Variants in NBEAL2 observed in about 807,000 individuals in gnomAD.
NBEAL2 encodes neurobeachin-like protein 2.
In NBEAL2, 160 loss-of-function variants were observed where a neutral mutation model predicts 299.8. The ratio of observed to expected loss-of-function variants is 0.53; its 90% CI spans 0.47 to 0.61. NBEAL2 has a LOEUF of 0.61. Ranked by LOEUF, NBEAL2 falls within the 20% of genes least tolerant of loss-of-function variation. The probability of loss-of-function intolerance (pLI) is 0.00; values close to 1 mark genes in which losing one functional copy is unlikely to be tolerated. For synonymous variants in NBEAL2, 1,493 were observed against 1,542.3 expected (o/e 0.97, Z 0.75); for missense variants, 3,112 against 3,649.0 (o/e 0.85, Z 3.79).
chr3:46,998,874 G>A lies in NBEAL2; in HGVS notation c.3379G>A (p.Gly1127Ser), dbSNP rs749146092. 21 of 1,592,242 alleles carry A rather than the reference G, an allele frequency of 1.3e-5. No homozygotes were observed. The highest frequency in any genetic ancestry group is 4.0e-5 in the African/African-American group (3 of 74,576). The change falls in exon 23 of 54, where the codon GGT becomes AGT. Residue 1127 changes from glycine to serine, a missense_variant. This residue lies in a region of NBEAL2 where 2,243 missense variants were observed against 2,538.1 expected (regional missense o/e 0.88). Coordinates refer to ENST00000450053, the MANE Select transcript of NBEAL2 (RefSeq NM_015175.3). The part of the protein sequence containing the change: ...LSFLAATGDD[G>S]QAVGALDLLL... ...CTTTTTGGCGGCCACAGGCGATGAC[G>A]GTCAGGTAGGCTGGAGGTTGGGGAG... is the stretch of plus-strand genomic sequence containing the variant.
At position 46,988,695 on chromosome 3, in the gene NBEAL2, G is replaced by A. The variant is rs1052091093; in HGVS notation, c.78G>A (p.Trp26Ter). 4 of 1,613,918 alleles carry A rather than the reference G, an allele frequency of 2.5e-6. No homozygotes were observed. The highest frequency in any genetic ancestry group is 3.4e-6 in the Non-Finnish European group (4 of 1,179,826). ...AGGACCTGGGTTACCTGCAGCAGTG[G>A]CTGAAGGCCTTTGTAGGTGCCTTCA... ...AQKDLGYLQQ[W>*]LKAFVGAFKK... The change falls in exon 2 of 54, where the codon TGG (tryptophan) becomes TGA (stop). Residue 26 changes from tryptophan (W) to a stop codon, truncating the protein, a stop_gained. Transcript: ENST00000450053. LOFTEE classifies it high-confidence loss of function. This position sits in a 1 kb window ranked among gnomAD's most constrained non-coding sequence, Gnocchi z 4.4.
rs373899951 is a variant in NBEAL2, at chr3:47,001,871, G to C, written c.4782+45G>C. On this transcript the variant is annotated intron_variant, in intron 30 of 53. Transcript: ENST00000450053. This position sits in a 1 kb window ranked among gnomAD's most constrained non-coding sequence, Gnocchi z 6.1. Reference sequence around the variant, plus strand: ...GGGGGCAGGGGGCGTGTGAGATGTCGGGAGCTCCAAGAGTGGCTGGGTGCC... The same window carrying C: ...GGGGGCAGGGGGCGTGTGAGATGTCCGGAGCTCCAAGAGTGGCTGGGTGCC... The C allele has an allele frequency of 5.6e-6, 9 of 1,609,368 alleles. No homozygotes were observed. The highest frequency in any genetic ancestry group is 4.5e-5 in the East Asian group (2 of 44,736).
At position 46,995,644 on chromosome 3, in the gene NBEAL2, G is replaced by T; in HGVS notation, c.1898+11G>T. ...AAAGCAGCTGTACAGGTGGGTGACT[G>T]CCAGGGGCCAGGGACCTCCTGCCAG... On this transcript the variant is annotated intron_variant, in intron 13 of 53. Coordinates refer to ENST00000450053, the MANE Select transcript of NBEAL2 (RefSeq NM_015175.3). 6.2e-7 allele frequency: 1 copy of T among 1,608,836 alleles called. No homozygotes were observed. The highest frequency in any genetic ancestry group is 8.5e-7 in the Non-Finnish European group (1 of 1,176,594).
At position 46,988,914 on chromosome 3, in the gene NBEAL2, C is replaced by T. The variant is rs1575588161; in HGVS notation, c.213C>T (p.His71=). 2 of 1,613,070 alleles carry T rather than the reference C, an allele frequency of 1.2e-6. No individual in the cohort carries two copies. Among genetic ancestry groups the T allele is most frequent in the Non-Finnish European group, 1.7e-6 (2 of 1,179,370 alleles). The part of the protein sequence containing the change: ...DELHVLAEQL[H]QADLEQALLL... The stretch of plus-strand genomic sequence containing the variant: ...TGCATGTGCTGGCCGAACAGCTGCA[C>T]CAGGCTGACCTGGAGCAAGCCCTCC... The change falls in exon 3 of 54, where the codon CAC becomes CAT. Residue 71 remains histidine (H), a synonymous_variant. Transcript: ENST00000450053. This position sits in a 1 kb window ranked among gnomAD's most constrained non-coding sequence, Gnocchi z 4.4.
chr3:46,996,501 C>T lies in NBEAL2; in HGVS notation c.2382C>T (p.Gly794=), dbSNP rs1368870416. The T allele has an allele frequency of 6.3e-7, 1 of 1,581,592 alleles. No individual in the cohort carries two copies. The highest frequency in any genetic ancestry group is 1.7e-5 in the Admixed American group (1 of 57,254). ...TLAGTQDTRW[G]SPTSLEGELG... is the part of the protein sequence containing the mutation. ...CAGGCACCCAGGACACTCGGTGGGG[C>T]AGCCCCACATCCCTGGAGGGTGAGC... The change falls in exon 16 of 54, where the codon GGC becomes GGT. Residue 794 remains glycine, a synonymous_variant. Transcript: ENST00000450053.
chr3:47,009,138 G>T lies in NBEAL2; in HGVS notation c.8163+14G>T. On this transcript the variant is annotated intron_variant, in intron 53 of 53. Transcript: ENST00000450053. ...CAGCCCTCTGAGGTGAGGATGGGGCGGGGGTGGGGAGGCCCCTCGAACGGG... is the reference window on the plus strand; with the variant it reads ...CAGCCCTCTGAGGTGAGGATGGGGCTGGGGTGGGGAGGCCCCTCGAACGGG... 1 of 1,557,262 alleles carries T rather than the reference G, an allele frequency of 6.4e-7. No individual in the cohort carries two copies. The highest frequency in any genetic ancestry group is 8.7e-7 in the Non-Finnish European group (1 of 1,154,014).
Position 47,000,007 on chromosome 3 carries a change from C to T in NBEAL2, c.3908C>T (p.Pro1303Leu), listed in dbSNP as rs762268638. The T allele has an allele frequency of 5.0e-6, 8 of 1,612,488 alleles. No homozygotes were observed. Among genetic ancestry groups the T allele is most frequent in the Non-Finnish European group, 6.8e-6 (8 of 1,179,860 alleles). The change falls in exon 27 of 54, where the codon CCT (proline) becomes CTT (leucine). Residue 1303 changes from proline to leucine, a missense_variant. Pro to Leu is a moderately conservative substitution (Grantham distance 98, BLOSUM62 -3). This residue lies in a region of NBEAL2 where 2,243 missense variants were observed against 2,538.1 expected (regional missense o/e 0.88). Transcript: ENST00000450053. This position sits in a 1 kb window ranked among gnomAD's most constrained non-coding sequence, Gnocchi z 4.5. ...VLEAATAGSP[P>L]PSSPESPTSP... ...GAGGCTGCCACAGCCGGCAGCCCCC[C>T]TCCGTCTTCCCCAGAGTCACCTACC...
At chr3:46,994,395 T>C in intron 11 of NBEAL2, 60 bp from the exon 12 acceptor site, 1 of 1,450,090 alleles carries the variant, frequency 6.9e-7, no homozygotes, top group Non-Finnish European at 9.5e-7. Flanking sequence ...TTCCAGGGGG[T>C]CTGAGTTTGC....
Position 47,000,923 on chromosome 3 carries a change from G to A in NBEAL2, c.4306-78G>A. 1 of 1,541,310 alleles carries A rather than the reference G, an allele frequency of 6.5e-7. No individual in the cohort carries two copies. Among genetic ancestry groups the A allele is most frequent in the Non-Finnish European group, 8.8e-7 (1 of 1,140,352 alleles). On this transcript the variant is annotated intron_variant, in intron 27 of 53. Coordinates refer to ENST00000450053, the MANE Select transcript of NBEAL2 (RefSeq NM_015175.3). This position sits in a 1 kb window ranked among gnomAD's most constrained non-coding sequence, Gnocchi z 4.5. ...GCTACCCCAGGAGGGGTGCTGAGTG[G>A]GGATGGGTGGGCGTCAGCCTGATTC...
At position 47,002,001 on chromosome 3, in the gene NBEAL2, C is replaced by T; in HGVS notation, c.4864C>T (p.Leu1622Phe). ...CCGCCGCGAGGAGGCCTGCTATGTG[C>T]TCTCCAAGCTGGAGGCTGCACTGGG... The part of the protein sequence containing the change: ...PARREEACYV[L>F]SKLEAALGRV... The change falls in exon 31 of 54, where the codon CTC becomes TTC. Residue 1622 changes from leucine (L) to phenylalanine (F), a missense_variant. By Grantham distance (22) the Leu-to-Phe change is conservative. Around this residue, in one of 3 missense-constraint regions of NBEAL2, gnomAD observed 2,243 missense variants for 2,538.1 expected, o/e 0.88. Coordinates refer to ENST00000450053, the MANE Select transcript of NBEAL2 (RefSeq NM_015175.3). 1.9e-6 allele frequency: 3 copies of T among 1,599,118 alleles called. No homozygotes were observed. The highest frequency in any genetic ancestry group is 2.2e-5 in the South Asian group (2 of 89,568).
intron 1 of NBEAL2, among the ~76,000 whole-genome samples, chr3:46,986,037 G>A (rs1255520140): frequency 6.6e-6 from 1 of 152,210 alleles, no homozygotes; most frequent in Non-Finnish European, 1.5e-5. Flanking sequence ...CTAGGTCAGA[G>A]TTGGCCTGAG....
At position 47,008,099 on chromosome 3, in the gene NBEAL2, G is replaced by A. The variant is rs1480485579; in HGVS notation, c.7632G>A (p.Lys2544=). 5 of 1,613,904 alleles carry A rather than the reference G, an allele frequency of 3.1e-6. No homozygotes were observed. The African/African-American group carries it at 6.7e-5, about 22-fold the overall frequency. The change falls in exon 50 of 54, where the codon AAG becomes AAA. Residue 2544 remains lysine (K), a synonymous_variant. Coordinates refer to ENST00000450053, the MANE Select transcript of NBEAL2 (RefSeq NM_015175.3). ...GTCTGTCAGTAGGCCTGGCACCAAA[G>A]CCTGTGCAGGTCCTGTATGGGCATG... ...QGGLSVGLAP[K]PVQVLYGHGA... is the part of the protein sequence containing the mutation.
rs1261404024 is a variant in NBEAL2 at position 46,994,618 on chromosome 3, A to C, written c.1296+65A>C. ...CAGAACTGAGTCAGGGTTACCACAG[A>C]TGGTGAGCTCTCCACCCTGGGGGAC... On this transcript the variant is annotated intron_variant, in intron 12 of 53. Coordinates refer to ENST00000450053, the MANE Select transcript of NBEAL2 (RefSeq NM_015175.3). 7 of 1,367,448 alleles carry C rather than the reference A, an allele frequency of 5.1e-6. No individual in the cohort carries two copies. In the African/African-American group the frequency reaches 5.8e-5, roughly 11 times the overall value. 84.7% of individuals were successfully genotyped at this position (1,367,448 alleles called of 1,614,324 possible).
Position 47,004,572 on chromosome 3 carries a change from C to A in NBEAL2, c.6276C>A (p.Asp2092Glu). 1.2e-6 allele frequency: 2 copies of A among 1,613,666 alleles called. No individual in the cohort carries two copies. Among genetic ancestry groups the A allele is most frequent in the Non-Finnish European group, 1.7e-6 (2 of 1,179,764 alleles). The change falls in exon 38 of 54, where the codon GAC (aspartate) becomes GAA (glutamate). Residue 2092 changes from aspartate to glutamate, a missense_variant. Physicochemically the swap from Asp to Glu is conservative, Grantham distance 45. Coordinates refer to ENST00000450053, the MANE Select transcript of NBEAL2 (RefSeq NM_015175.3). This position sits in a 1 kb window ranked among gnomAD's most constrained non-coding sequence, Gnocchi z 5.0. ...CCATTGCGGGGCGGACCTACAATGA[C>A]CTGTCTCAGTACCCTGTGGTGAGGG... ...LNTIAGRTYN[D>E]LSQYPVFPWV...
rs2037093255 is a variant in NBEAL2, at chr3:47,002,501, A to G, written c.5282A>G (p.Gln1761Arg). 1 of 1,612,790 alleles carries G rather than the reference A, an allele frequency of 6.2e-7. No homozygotes were observed. The highest frequency in any genetic ancestry group is 8.5e-7 in the Non-Finnish European group (1 of 1,179,784). The change falls in exon 32 of 54, where the codon CAG becomes CGG. Residue 1761 changes from glutamine to arginine, a missense_variant. Gln to Arg is a conservative substitution (Grantham distance 43, BLOSUM62 1). This residue lies in a region of NBEAL2 where 2,243 missense variants were observed against 2,538.1 expected (regional missense o/e 0.88). Transcript: ENST00000450053. The stretch of plus-strand genomic sequence containing the variant: ...CAGCGGCGCCAGTGGGAGCGCGCCC[A>G]GAGTCGTCGGGCCTTCCAGGTGTGC... Reference protein sequence around the residue: ...SGQRRQWERAQSRRAFQELVL... With the variant: ...SGQRRQWERARSRRAFQELVL...
chr3:47,004,366 G>C lies in NBEAL2; in HGVS notation c.6171G>C (p.Glu2057Asp). Reference sequence around the variant, plus strand: ...ACCTAAGCAGCCGCTCCCCCCAGGAGATGCTGCGTGCCTCAGGCCTTACCC... The same window carrying C: ...ACCTAAGCAGCCGCTCCCCCCAGGACATGCTGCGTGCCTCAGGCCTTACCC... ...QGYLSSRSPQ[E>D]MLRASGLTQK... Residue 2057 changes from glutamate (E) to aspartate (D), a missense_variant, in exon 37 of 54, where the codon GAG becomes GAC. Coordinates refer to ENST00000450053, the MANE Select transcript of NBEAL2 (RefSeq NM_015175.3). The surrounding 1 kb of genome is among the most constrained non-coding windows in gnomAD (Gnocchi z 5.0). The C allele has an allele frequency of 6.3e-7, 1 of 1,598,588 alleles. No individual in the cohort carries two copies. Among genetic ancestry groups the C allele is most frequent in the South Asian group, 1.1e-5 (1 of 88,672 alleles).
Position 47,009,536 on chromosome 3 carries a change from A to G in NBEAL2, c.*216A>G, listed in dbSNP as rs2305640. ...CGGCTGAGGGGCCGCCCTGAGGGCC[A>G]GCACTGGCGTCTGCGGCCGCAGCAG... On this transcript the variant is annotated 3_prime_UTR_variant, in exon 54 of 54. Transcript: ENST00000450053. The G allele has an allele frequency of 0.043, 24,738 of 574,602 alleles. 1,167 individuals are homozygous for G. The highest frequency in any genetic ancestry group is 0.15 in the Admixed American group (4,775 of 31,498). 35.6% of individuals were successfully genotyped at this position (574,602 alleles called of 1,614,324 possible). A position where few individuals can be genotyped will look rare whatever the true frequency, so the allele number is the denominator to read the frequency against.
At position 47,008,531 on chromosome 3, in the gene NBEAL2, C is replaced by T; in HGVS notation, c.7890C>T (p.Ser2630=). The change falls in exon 52 of 54, where the codon TCC becomes TCT. Residue 2630 remains serine, a synonymous_variant. Coordinates refer to ENST00000450053, the MANE Select transcript of NBEAL2 (RefSeq NM_015175.3). ...WERPGAQVTY[S]LHLYSVNGKL... Reference sequence around the variant, plus strand: ...CCTGCTTCCTCCAGGTCACCTACTCCTTGCACCTGTATTCAGTCAATGGGA... The same window carrying T: ...CCTGCTTCCTCCAGGTCACCTACTCTTTGCACCTGTATTCAGTCAATGGGA... 6.2e-7 allele frequency: 1 copy of T among 1,613,464 alleles called. No homozygotes were observed. The highest frequency in any genetic ancestry group is 8.5e-7 in the Non-Finnish European group (1 of 1,179,614).
rs550564188 is a variant in NBEAL2 at position 47,008,391 on chromosome 3, G to A, written c.7828G>A (p.Glu2610Lys). The change falls in exon 51 of 54, where the codon GAA becomes AAA. Residue 2610 changes from glutamate (E) to lysine (K), a missense_variant. Transcript: ENST00000450053. ...TATTTTCCACCTGGCATTGGGGTCC[G>A]AAGGCCAGATTGTGGTACAGAGCTC... is the stretch of plus-strand genomic sequence containing the variant. ...GPIFHLALGS[E>K]GQIVVQSSAW... 18 of 1,613,932 alleles carry A rather than the reference G, an allele frequency of 1.1e-5. No homozygotes were observed. Among genetic ancestry groups the A allele is most frequent in the African/African-American group, 1.3e-5 (1 of 75,052 alleles).
Sources: gnomAD v4.1 joint callset for allele counts (sites outside exome capture counted in the v4.1 genomes callset) on GRCh38, gnomAD v4.1.1 for gene constraint, gnomAD v4.1.1 regional missense constraint, Gnocchi (gnomAD v3.1) non-coding constraint, MANE v1.5 for transcripts, NCBI Gene and HGNC (gene_info 2026-07-23, HGNC 2026-07-21) for gene names.